DNAH7: variants seen among roughly 807,000 people sequenced by gnomAD.
The protein encoded by DNAH7 is dynein axonemal heavy chain 7.
In DNAH7, 397 loss-of-function variants were observed where a neutral mutation model predicts 444.6. That is an observed-to-expected ratio of 0.89 (90% confidence interval 0.82 to 0.97). DNAH7 has a LOEUF of 0.97. Ranked by LOEUF, DNAH7 falls within the 50% of genes least tolerant of loss-of-function variation. DNAH7 has a pLI of 0.00. For synonymous variants in DNAH7, 1,636 were observed against 1,624.4 expected (o/e 1.01, Z -0.17); for missense variants, 4,902 against 4,800.8 (o/e 1.02, Z -0.62).
intron 34 of DNAH7, among the ~76,000 whole-genome samples, chr2:195,885,881 A>G (rs524073): frequency 6.6e-6 from 1 of 152,076 alleles, no homozygotes; most frequent in Non-Finnish European, 1.5e-5. Flanking sequence ...GCTGGTCAAA[A>G]GACCTGAGAT....
chr2:195,758,408 ATT>A (rs1481052538), intron 61 of DNAH7, among the ~76,000 whole-genome samples: 2 of 152,140 alleles, frequency 1.3e-5, no homozygotes, highest in Non-Finnish European at 2.9e-5. Context: ...TTTCCCAAGA[ATT>A]TGTCTATTTC....
chr2:195,912,220 C>T (rs139121322), intron 24 of DNAH7, among the ~76,000 whole-genome samples: 1 of 152,266 alleles, frequency 6.6e-6, no homozygotes, highest in Non-Finnish European at 1.5e-5. Flanking sequence ...ACTTTTCCCT[C>T]TCCCAAGCTA....
At chr2:195,738,566 A>G (rs1020162772) in intron 64 of DNAH7, among the ~76,000 whole-genome samples, 16 of 152,140 alleles carry the variant, frequency 1.1e-4, no homozygotes, top group African/African-American at 3.9e-4. Flanking sequence ...ATTTTAGGAG[A>G]CTATTATAAA....
chr2:195,984,432 C>T (rs1357087320), intron 15 of DNAH7, among the ~76,000 whole-genome samples, 200 bp downstream of exon 15: 1 of 152,150 alleles, frequency 6.6e-6, no homozygotes, highest in Non-Finnish European at 1.5e-5. Flanking sequence ...ATTGCAACCT[C>T]TGCCTCCCGG....
At position 195,875,572 on chromosome 2, in the gene DNAH7, C is replaced by A. The variant is rs530428571; in HGVS notation, c.6286+103G>T. 79 of 1,101,216 alleles carry A rather than the reference C, an allele frequency of 7.2e-5. No homozygotes were observed. The South Asian group carries it at 9.9e-4, about 14-fold the overall frequency. 68.2% of individuals were successfully genotyped at this position (1,101,216 alleles called of 1,614,324 possible). ...AATAGATACACATAGAAAACATATA[C>A]ACAAAACACTGCAACTCAAAAGAGG... is the stretch of plus-strand genomic sequence containing the variant. On this transcript the variant is annotated intron_variant, in intron 38 of 64. Coordinates refer to ENST00000312428, the MANE Select transcript of DNAH7 (RefSeq NM_018897.3).
intron 51 of DNAH7, among the ~76,000 whole-genome samples, chr2:195,811,936 T>C (rs1696990920): frequency 6.6e-6 from 1 of 152,266 alleles, no homozygotes; most frequent in East Asian, 1.9e-4. Flanking sequence ...AGAAATTTAG[T>C]TTACTAGCCA....
chr2:195,841,901 G>T (rs1698711066), intron 47 of DNAH7, among the ~76,000 whole-genome samples: 6 of 151,878 alleles, frequency 4.0e-5, no homozygotes, highest in Admixed American at 3.9e-4. Context: ...TGAAAACATG[G>T]ACTTCTAACA....
At chr2:196,055,164 T>G (rs767723830) in intron 2 of DNAH7, among the ~76,000 whole-genome samples, 1 of 152,122 alleles carries the variant, frequency 6.6e-6, no homozygotes, top group Non-Finnish European at 1.5e-5. Context: ...AAGACCAGCC[T>G]GGGCAACATG....
chr2:195,803,169 G>A (rs1056489613), intron 54 of DNAH7, among the ~76,000 whole-genome samples: 5 of 152,006 alleles, frequency 3.3e-5, no homozygotes, highest in Admixed American at 2.6e-4. Context: ...CACTTTTTCC[G>A]TAATCTCTTT....
chr2:196,047,478 C>A lies in DNAH7; in HGVS notation c.272G>T (p.Gly91Val). 6.3e-7 allele frequency: 1 copy of A among 1,593,990 alleles called. No homozygotes were observed. The highest frequency in any genetic ancestry group is 8.6e-7 in the Non-Finnish European group (1 of 1,168,910). The change falls in exon 5 of 65, where the codon GGA becomes GTA. Residue 91 changes from glycine (G) to valine (V), a missense_variant. Physicochemically the swap from Gly to Val is moderately radical, Grantham distance 109 (BLOSUM62 -3). Coordinates refer to ENST00000312428, the MANE Select transcript of DNAH7 (RefSeq NM_018897.3). ...QSHAEYMERF[G>V]KKGKLPHQVD... ...TTGGTGGGGTAATTTGCCCTTTTTT[C>A]CAAAACGTTCCATGTATTCAGCTTA... is the stretch of plus-strand genomic sequence containing the variant.
chr2:196,028,786 T>C (rs1695850518), intron 5 of DNAH7, among the ~76,000 whole-genome samples: 1 of 152,176 alleles, frequency 6.6e-6, no homozygotes. Context: ...AGGTCAGTGA[T>C]GTTGTATAAT....
intron 5 of DNAH7, among the ~76,000 whole-genome samples, chr2:196,042,785 A>G (rs1696850289): frequency 6.6e-6 from 1 of 152,094 alleles, no homozygotes; most frequent in Non-Finnish European, 1.5e-5. Context: ...AAAACAATTT[A>G]GCATGTCTTA....
intron 10 of DNAH7, among the ~76,000 whole-genome samples, chr2:196,009,217 C>G (rs943264144): frequency 2.0e-5 from 3 of 152,030 alleles, no homozygotes; most frequent in Non-Finnish European, 4.4e-5. Context: ...TTGGAGGGGA[C>G]AAGCATCCAA....
chr2:195,976,777 G>GAGAGAGAGAGAGAA, intron 15 of DNAH7, among the ~76,000 whole-genome samples: 1 of 151,212 alleles, frequency 6.6e-6, no homozygotes, highest in African/African-American at 2.4e-5. Flanking sequence ...GAGAGAGAGA[G>GAGAGAGAGAGAGAA]AGAGAGAGAG....
At chr2:196,053,539 G>C (rs531851005) in intron 2 of DNAH7, among the ~76,000 whole-genome samples, 2 of 152,248 alleles carry the variant, frequency 1.3e-5, no homozygotes, top group East Asian at 1.9e-4. Context: ...GAGAAGCAGG[G>C]GACTAGAGTC....
At chr2:195,748,111 T>A (rs1693541064) in intron 63 of DNAH7, among the ~76,000 whole-genome samples, 1 of 152,044 alleles carries the variant, frequency 6.6e-6, no homozygotes, top group African/African-American at 2.4e-5. Flanking sequence ...AAAATCTCCT[T>A]AAGCTGATAA....
intron 1 of DNAH7, among the ~76,000 whole-genome samples, chr2:196,066,441 A>G (rs1030410976): frequency 6.6e-6 from 1 of 152,202 alleles, no homozygotes; most frequent in African/African-American, 2.4e-5. Context: ...ACTTGATTCC[A>G]TAACTAGAAA....
At chr2:195,743,465 G>A (rs1234319835) in intron 63 of DNAH7, among the ~76,000 whole-genome samples, 1 of 138,562 alleles carries the variant, frequency 7.2e-6, no homozygotes, top group African/African-American at 2.6e-5. Flanking sequence ...CCTTTTCATT[G>A]TATTTTAATT....
At chr2:195,777,753 T>C in intron 59 of DNAH7, 47 bp downstream of exon 59, 1 of 1,542,528 alleles carries the variant, frequency 6.5e-7, no homozygotes, top group South Asian at 1.2e-5. Context: ...ACTACCAAAA[T>C]AATTTCATGT....
Sources: allele counts gnomAD v4.1 joint callset (sites outside exome capture counted in the v4.1 genomes callset), GRCh38; gene constraint gnomAD v4.1.1; transcripts MANE v1.5; gene names NCBI Gene and HGNC (gene_info 2026-07-23, HGNC 2026-07-21).